Variants in RORA observed in about 807,000 individuals in gnomAD.
RORA encodes nuclear receptor ROR-alpha.
RORA carries 7 observed loss-of-function variants against 69.5 expected under a neutral mutation model. That is an observed-to-expected ratio of 0.10 (90% CI 0.06 to 0.19). The LOEUF is 0.19. RORA is among the 10% of genes least tolerant of loss of function. RORA has a pLI of 1.00. For synonymous variants in RORA, 261 were observed against 240.8 expected (o/e 1.08, Z -0.78); for missense variants, 457 against 663.0 (o/e 0.69, Z 3.41).
intron 1 of RORA, among the ~76,000 whole-genome samples, chr15:61,142,382 A>G (rs1437547): frequency 0.19 from 28,482 of 152,128 alleles, 4,366 homozygotes; most frequent in African/African-American, 0.42. Context: ...AACTCATCAA[A>G]TATGTTCCTC....
chr15:60,906,462 A>T (rs1477873515), intron 1 of RORA, among the ~76,000 whole-genome samples: 1 of 152,230 alleles, frequency 6.6e-6, no homozygotes, highest in East Asian at 1.9e-4. Context: ...TCGTGCCCAC[A>T]TCAATCTTTT....
chr15:60,556,924 G>C, intron 2 of RORA: 1 of 1,612,820 alleles, frequency 6.2e-7, no homozygotes, highest in Non-Finnish European at 8.5e-7. Context: ...CTGCCTCCAG[G>C]AACACTTGTT....
chr15:60,896,753 G>A (rs1187328969), intron 1 of RORA, among the ~76,000 whole-genome samples: 5 of 85,950 alleles, frequency 5.8e-5, no homozygotes, highest in Non-Finnish European at 7.8e-5. Flanking sequence ...TTTTTTTTTG[G>A]CTGCATAGCC....
At chr15:60,529,969 C>T (rs939029223) in intron 3 of RORA, 7 of 152,272 alleles carry the variant, frequency 4.6e-5, no homozygotes, top group East Asian at 1.9e-4. Context: ...AACTGGTATC[C>T]GGGATGCTGC....
chr15:61,202,804 C>T (rs2079907305), intron 1 of RORA, among the ~76,000 whole-genome samples: 1 of 151,992 alleles, frequency 6.6e-6, no homozygotes, highest in South Asian at 2.1e-4. Flanking sequence ...AAAAAGTAGG[C>T]CCATATGAGA....
intron 1 of RORA, among the ~76,000 whole-genome samples, chr15:60,942,069 T>C (rs1470483412): frequency 6.6e-6 from 1 of 152,164 alleles, no homozygotes; most frequent in Non-Finnish European, 1.5e-5. Flanking sequence ...CTTCGGAAGA[T>C]TCCCCCTAAT....
In RORA at chr15:61,133,783, A is replaced by G. The variant is rs73432739; in HGVS notation, c.166+95270T>C. Among the ~76,000 whole-genome samples, 968 of 152,270 alleles carry G rather than the reference A, an allele frequency of 6.4e-3. 16 individuals carry two copies. The highest frequency in any genetic ancestry group is 0.022 in the African/African-American group (930 of 41,558). On this transcript the variant is annotated intron_variant, in intron 1 of 10. Coordinates refer to ENST00000335670, the MANE Select transcript of RORA (RefSeq NM_134261.3). ...TTAAGGTTTCTTTTTAGTTCCAGGA[A>G]TCTGGGAACATTTGCTATGATGCCA...
In RORA at chr15:60,787,967, T is replaced by C. The variant is rs146706762; in HGVS notation, c.167-109281A>G. Reference sequence around the variant, plus strand: ...GCAGTGGGTGAAACAGCCCAGTTCCTACCCTCATGGAGCTAAGTCTGGTGG... The same window carrying C: ...GCAGTGGGTGAAACAGCCCAGTTCCCACCCTCATGGAGCTAAGTCTGGTGG... On this transcript the variant is annotated intron_variant, in intron 1 of 10. Coordinates refer to ENST00000335670, the MANE Select transcript of RORA (RefSeq NM_134261.3). 1.4e-3 allele frequency among the ~76,000 whole-genome samples: 219 copies of C among 152,368 alleles called. 1 individual carries two copies. The highest frequency in any genetic ancestry group is 5.0e-3 in the African/African-American group (208 of 41,588).
intron 1 of RORA, among the ~76,000 whole-genome samples, chr15:60,834,173 T>A (rs1412546704): frequency 6.6e-6 from 1 of 152,166 alleles, no homozygotes; most frequent in Non-Finnish European, 1.5e-5. Flanking sequence ...TGCCTGGACA[T>A]CTCCTTCAAA....
chr15:61,031,901 T>C (rs1896190525), intron 1 of RORA, among the ~76,000 whole-genome samples: 1 of 152,200 alleles, frequency 6.6e-6, no homozygotes. Flanking sequence ...GTTCATAATT[T>C]TGTTTTCATT....
intron 1 of RORA, among the ~76,000 whole-genome samples, chr15:61,115,887 G>A (rs565591393): frequency 3.3e-5 from 5 of 152,194 alleles, no homozygotes; most frequent in Non-Finnish European, 5.9e-5. Context: ...GTCATGAGCT[G>A]TGTTTCGCAC....
At chr15:60,918,540 T>C (rs1891946520) in intron 1 of RORA, among the ~76,000 whole-genome samples, 1 of 152,250 alleles carries the variant, frequency 6.6e-6, no homozygotes, top group Non-Finnish European at 1.5e-5. Flanking sequence ...AGATGCATGA[T>C]TACCAACAAC....
intron 9 of RORA, 41 bp from the exon 10 acceptor site, chr15:60,500,045 ATGG>A: frequency 8.1e-7 from 1 of 1,237,286 alleles, no homozygotes; most frequent in Non-Finnish European, 1.2e-6. Flanking sequence ...TTCCTCTGAC[ATGG>A]TGTCAGGATC....
intron 1 of RORA, among the ~76,000 whole-genome samples, chr15:60,757,009 T>C (rs1169043286): frequency 2.0e-5 from 3 of 152,210 alleles, no homozygotes; most frequent in African/African-American, 7.2e-5. Flanking sequence ...ATCTTTAATA[T>C]ACACTTATCT....
At chr15:60,514,993 C>T (rs1293294229) in intron 3 of RORA, among the ~76,000 whole-genome samples, 1 of 152,190 alleles carries the variant, frequency 6.6e-6, no homozygotes, top group Non-Finnish European at 1.5e-5. Context: ...TTAACTTCAA[C>T]AGACAGTTGC....
intron 1 of RORA, among the ~76,000 whole-genome samples, chr15:60,863,450 T>G (rs1241171742): frequency 1.3e-5 from 2 of 152,226 alleles, no homozygotes; most frequent in African/African-American, 4.8e-5. Context: ...TTAAAGATGA[T>G]ATTTATATTT....
intron 1 of RORA, among the ~76,000 whole-genome samples, chr15:61,059,478 T>C (rs2078140786): frequency 6.6e-6 from 1 of 152,246 alleles, no homozygotes; most frequent in African/African-American, 2.4e-5. Flanking sequence ...TATTCAAATG[T>C]ACCTATTTAT....
chr15:61,178,665 TACTC>T (rs1202162793), intron 1 of RORA, among the ~76,000 whole-genome samples: 1 of 152,160 alleles, frequency 6.6e-6, no homozygotes. Flanking sequence ...AAATAAAAGA[TACTC>T]TATGTGAAGA....
chr15:60,769,974 T>G (rs1311796459), intron 1 of RORA, among the ~76,000 whole-genome samples: 1 of 152,232 alleles, frequency 6.6e-6, no homozygotes, highest in African/African-American at 2.4e-5. Context: ...CTAACCTTAT[T>G]TTGTATTCCT....
Sources: allele counts gnomAD v4.1 joint callset (sites outside exome capture counted in the v4.1 genomes callset), GRCh38; gene constraint gnomAD v4.1.1; transcripts MANE v1.5; gene names NCBI Gene and HGNC (gene_info 2026-07-23, HGNC 2026-07-21).